Variants in WDPCP observed in about 807,000 individuals in gnomAD.
WDPCP encodes WD repeat containing planar cell polarity effector, also known as WD repeat-containing and planar cell polarity effector protein fritz homolog.
A neutral mutation model predicts 93.1 loss-of-function variants in WDPCP; 71 were observed. The observed-to-expected ratio is 0.76, with a 90% confidence interval of 0.63 to 0.93. The LOEUF (loss-of-function observed/expected upper bound fraction) is 0.93, where lower values mean the gene tolerates loss of function less well. Among genes scored for constraint, WDPCP ranks in the 40% least tolerant of loss-of-function variants. The probability of loss-of-function intolerance (pLI) is 0.00; values close to 1 mark genes in which losing one functional copy is unlikely to be tolerated. For synonymous variants in WDPCP, 315 were observed against 315.0 expected (o/e 1.00, Z 0.00); for missense variants, 844 against 887.4 (o/e 0.95, Z 0.62).
At chr2:63,771,577 G>A (rs543886634) in intron 2 of WDPCP, among the ~76,000 whole-genome samples, 2 of 151,860 alleles carry the variant, frequency 1.3e-5, no homozygotes, top group East Asian at 3.9e-4. Context: ...GATTCAGGGA[G>A]TACATGTGCA....
chr2:63,301,351 G>C (rs1685318755), intron 13 of WDPCP, among the ~76,000 whole-genome samples: 1 of 152,132 alleles, frequency 6.6e-6, no homozygotes, highest in Non-Finnish European at 1.5e-5. Flanking sequence ...CCTCCAATTA[G>C]AGTGGCACTT....
At chr2:63,647,012 C>T (rs1009662266) in intron 3 of WDPCP, among the ~76,000 whole-genome samples, 6 of 152,188 alleles carry the variant, frequency 3.9e-5, no homozygotes, top group Non-Finnish European at 7.3e-5. Flanking sequence ...ATCTCTTCCT[C>T]TACACCCTCT....
intron 12 of WDPCP, among the ~76,000 whole-genome samples, chr2:63,370,481 A>G (rs1354565847): frequency 2.0e-5 from 3 of 152,158 alleles, no homozygotes; most frequent in Admixed American, 6.5e-5. Context: ...TAATGGATCA[A>G]ACTTCTTAGA....
At chr2:63,699,122 G>A (rs1669007989) in intron 2 of WDPCP, among the ~76,000 whole-genome samples, 1 of 152,138 alleles carries the variant, frequency 6.6e-6, no homozygotes, top group Non-Finnish European at 1.5e-5. Flanking sequence ...CAATTAGCGA[G>A]TCCTGCTGAT....
At chr2:63,259,545 T>C (rs1681440326) in intron 13 of WDPCP, 136 bp from the exon 14 acceptor site, 1 of 764,624 alleles carries the variant, frequency 1.3e-6, no homozygotes, top group Non-Finnish European at 2.1e-6. Flanking sequence ...GTGTTTTAAG[T>C]TTCTTAGTTT....
intron 2 of WDPCP, among the ~76,000 whole-genome samples, chr2:63,795,507 A>G (rs549389776): frequency 5.1e-4 from 77 of 151,740 alleles, no homozygotes; most frequent in African/African-American, 1.6e-3. Context: ...CTCAAAAAAA[A>G]AAAGAAAGAA....
intron 13 of WDPCP, among the ~76,000 whole-genome samples, chr2:63,276,661 C>T (rs923266932): frequency 2.0e-5 from 3 of 152,046 alleles, no homozygotes; most frequent in African/African-American, 7.2e-5. Context: ...TCAAATTAAC[C>T]CAATCCATCA....
At chr2:63,410,686 G>A (rs896681887) in intron 9 of WDPCP, among the ~76,000 whole-genome samples, 2 of 152,262 alleles carry the variant, frequency 1.3e-5, no homozygotes, top group African/African-American at 4.8e-5. Context: ...TTCAAGTAAA[G>A]GGATGGAAAA....
intron 13 of WDPCP, among the ~76,000 whole-genome samples, chr2:63,306,500 T>A (rs1408237861): frequency 6.6e-6 from 1 of 152,206 alleles, no homozygotes; most frequent in Non-Finnish European, 1.5e-5. Context: ...AATAAAATAC[T>A]CGCAAACTGA....
chr2:63,381,832 C>T (rs1692331864), intron 11 of WDPCP, 74 bp downstream of exon 11: 3 of 1,521,540 alleles, frequency 2.0e-6, no homozygotes, highest in Non-Finnish European at 2.7e-6. Flanking sequence ...CAAAAACAAC[C>T]TCAAAAAATA....
chr2:63,203,307 A>G (rs968427217), intron 14 of WDPCP, among the ~76,000 whole-genome samples: 20 of 152,292 alleles, frequency 1.3e-4, no homozygotes, highest in Non-Finnish European at 2.6e-4. Context: ...CCTTTCTATT[A>G]CAAACAATCC....
chr2:63,277,903 T>C (rs536577898), intron 13 of WDPCP, among the ~76,000 whole-genome samples: 1 of 152,260 alleles, frequency 6.6e-6, no homozygotes, highest in South Asian at 2.1e-4. Context: ...CAAATGAACT[T>C]AACAGATATT....
At chr2:63,504,105 T>C (rs10496102) in intron 1 of WDPCP, among the ~76,000 whole-genome samples, 29,643 of 151,922 alleles carry the variant, frequency 0.2, 3,680 homozygotes, top group Non-Finnish European at 0.25. Context: ...AAGTGAAATA[T>C]CTCATGCAAC....
chr2:63,733,050 CTT>C (rs1352422798), intron 2 of WDPCP, among the ~76,000 whole-genome samples: 2 of 152,084 alleles, frequency 1.3e-5, no homozygotes, highest in South Asian at 2.1e-4. Flanking sequence ...AGAAATAAAA[CTT>C]TTCTGTTTTG....
In WDPCP at chr2:63,727,133, G is replaced by T. The variant is rs369256122; in HGVS notation, n.309-76295C>A. On this transcript the variant is annotated intron_variant and non_coding_transcript_variant, in intron 2 of 4. Transcript: ENST00000467687. ...ATCCTTGTTTTGTTGTGGCTCTCAA[G>T]GAGGATGCTTTCAGCTTTTGCCCAT... 8.5e-5 allele frequency among the ~76,000 whole-genome samples: 13 copies of T among 152,296 alleles called. 1 individual carries two copies. In the South Asian group the frequency reaches 2.7e-3, roughly 32 times the overall value.
intron 2 of WDPCP, among the ~76,000 whole-genome samples, chr2:63,743,192 A>G (rs1332659413): frequency 2.0e-5 from 3 of 152,084 alleles, no homozygotes; most frequent in Non-Finnish European, 2.9e-5. Context: ...TTGTTATTCC[A>G]ACAAAATTTC....
intron 2 of WDPCP, among the ~76,000 whole-genome samples, chr2:63,778,327 C>A (rs1670335395): frequency 6.6e-6 from 1 of 152,270 alleles, no homozygotes; most frequent in African/African-American, 2.4e-5. Flanking sequence ...CCTTCCTCAG[C>A]CTCCCAAGTA....
intron 1 of WDPCP, among the ~76,000 whole-genome samples, chr2:63,508,188 A>T (rs1702003280): frequency 6.6e-6 from 1 of 152,220 alleles, no homozygotes; most frequent in Admixed American, 6.5e-5. Flanking sequence ...CCAAACAGAA[A>T]GGTCGGGTTA....
At chr2:63,690,939 G>T (rs907857597) in intron 2 of WDPCP, among the ~76,000 whole-genome samples, 1 of 152,142 alleles carries the variant, frequency 6.6e-6, no homozygotes, top group African/African-American at 2.4e-5. Context: ...GAATGCCATG[G>T]TAATAGTAAA....
Sources: gnomAD v4.1 joint callset for allele counts (sites outside exome capture counted in the v4.1 genomes callset) on GRCh38, gnomAD v4.1.1 for gene constraint, MANE v1.5 for transcripts, NCBI Gene and HGNC (gene_info 2026-07-23, HGNC 2026-07-21) for gene names.